ZNF568: variants seen among roughly 807,000 people sequenced by gnomAD.
ZNF568 encodes the protein p53 inhibitor of SCO2 activation.
Under a neutral mutation model 18.1 loss-of-function variants are expected in ZNF568, and 11 were observed. The observed-to-expected ratio is 0.61, with a 90% CI of 0.38 to 1.00. The LOEUF (loss-of-function observed/expected upper bound fraction) is 1.00, where lower values mean the gene tolerates loss of function less well. Among genes scored for constraint, ZNF568 ranks in the 50% least tolerant of loss-of-function variants. The pLI is 0.01. For missense variants in ZNF568, 639 were observed against 768.2 expected (o/e 0.83, Z 1.99); for synonymous variants, 213 against 246.6 (o/e 0.86, Z 1.28).
intron 6 of ZNF568, among the ~76,000 whole-genome samples, chr19:36,967,681 C>T (rs532243515): frequency 1.3e-5 from 2 of 152,300 alleles, no homozygotes; most frequent in Admixed American, 1.3e-4. Flanking sequence ...GCTTCTCATC[C>T]ATCCATTTCT....
intron 4 of ZNF568, among the ~76,000 whole-genome samples, chr19:36,994,396 A>G (rs1302698542): frequency 6.6e-6 from 1 of 152,202 alleles, no homozygotes; most frequent in Non-Finnish European, 1.5e-5. Context: ...GTTGAGTGGA[A>G]TGTTCTACAA....
intron 2 of ZNF568, 70 bp from the exon 3 acceptor site, chr19:36,922,516 T>C: frequency 2.8e-6 from 1 of 357,070 alleles, no homozygotes; most frequent in East Asian, 4.6e-5. Flanking sequence ...GGGGCCATCT[T>C]GGAAGCTGGT....
At chr19:36,970,875 A>T (rs1438334283) in intron 6 of ZNF568, among the ~76,000 whole-genome samples, 1 of 152,084 alleles carries the variant, frequency 6.6e-6, no homozygotes, top group Admixed American at 6.6e-5. Context: ...GAAATCAGTG[A>T]TTTAAATTTC....
chr19:36,991,309 T>C, intron 3 of ZNF568: 2 of 1,531,782 alleles, frequency 1.3e-6, no homozygotes, highest in Non-Finnish European at 1.7e-6. Flanking sequence ...GGTAACTTTA[T>C]CTGCCCCTCC....
exon 5 of ZNF568, chr19:36,996,755 C>G (rs1420347255): frequency 1.3e-6 from 2 of 1,543,038 alleles, no homozygotes; most frequent in Admixed American, 3.9e-5. Flanking sequence ...TCTGGAATTA[C>G]TCAACCTCAG....
At chr19:36,966,009 GA>G (rs2074191899) in intron 6 of ZNF568, among the ~76,000 whole-genome samples, 2 of 150,628 alleles carry the variant, frequency 1.3e-5, no homozygotes, top group African/African-American at 4.9e-5. Flanking sequence ...CTGATTACAG[GA>G]TATAAGGTTA....
downstream of ZNF568, among the ~76,000 whole-genome samples, chr19:36,956,262 A>G (rs1002060491): frequency 6.6e-6 from 1 of 152,144 alleles, no homozygotes. Flanking sequence ...TCACAGCTAA[A>G]TTCCTCTAAG....
In ZNF568 at chr19:36,950,046, G is replaced by T. The variant is rs2074031431; in HGVS notation, c.893G>T (p.Arg298Ile). The T allele has an allele frequency of 6.2e-7, 1 of 1,613,790 alleles. No homozygotes were observed. ...IQMSNLIRHHRIHTGEKPYAC... is the reference protein window; with the variant it reads ...IQMSNLIRHHIIHTGEKPYAC... Reference sequence around the variant, plus strand: ...ATGTCAAACCTTATTAGACACCACAGAATTCATACTGGGGAGAAACCTTAT... The same window carrying T: ...ATGTCAAACCTTATTAGACACCACATAATTCATACTGGGGAGAAACCTTAT... The change falls in exon 7 of 7, where the codon AGA becomes ATA. Residue 298 changes from arginine to isoleucine, a missense_variant. Transcript: ENST00000333987.
intron 2 of ZNF568, among the ~76,000 whole-genome samples, chr19:36,920,843 C>A (rs1167677838): frequency 6.6e-6 from 1 of 151,890 alleles, no homozygotes; most frequent in Non-Finnish European, 1.5e-5. Context: ...TGGTAAGTGC[C>A]CTTTACCAGT....
exon 4 of ZNF568, chr19:36,991,815 T>A: frequency 6.3e-7 from 1 of 1,579,610 alleles, no homozygotes; most frequent in East Asian, 2.2e-5. Flanking sequence ...CCTGGATGGT[T>A]AAGAGGAAGG....
In ZNF568 at chr19:36,950,801, A is replaced by C. The variant is rs1400090348; in HGVS notation, c.1648A>C (p.Lys550Gln). The change falls in exon 7 of 7, where the codon AAA (lysine) becomes CAA (glutamine). Residue 550 changes from lysine to glutamine, a missense_variant. Coordinates refer to ENST00000333987, the MANE Select transcript of ZNF568 (RefSeq NM_198539.4). ...GAGACAAAATCTTCTTGAGCATGAA[A>C]AAATTCATACTGGAGAGAAACCATT... ...SQRQNLLEHE[K>Q]IHTGEKPFKC... 6.2e-7 allele frequency: 1 copy of C among 1,613,764 alleles called. No individual in the cohort carries two copies. Among genetic ancestry groups the C allele is most frequent in the Non-Finnish European group, 8.5e-7 (1 of 1,179,992 alleles).
Position 36,951,955 on chromosome 19 carries a change from T to TC in ZNF568, c.*867_*868insC. The TC allele has an allele frequency of 1.0e-6, 1 of 984,076 alleles. No individual in the cohort carries two copies. 61.0% of individuals were successfully genotyped at this position (984,076 alleles called of 1,614,324 possible). A position where few individuals can be genotyped will look rare whatever the true frequency, so the allele number is the denominator to read the frequency against. The stretch of plus-strand genomic sequence containing the variant: ...CAAAAAATTAACATTCTAAAGGATT[T>TC]AAATACTGGAATTTGAAAAGCCAAA... On this transcript the variant is annotated 3_prime_UTR_variant, in exon 7 of 7. Coordinates refer to ENST00000333987, the MANE Select transcript of ZNF568 (RefSeq NM_198539.4).
chr19:36,958,591 CT>C (rs967409433), intron 6 of ZNF568, among the ~76,000 whole-genome samples: 1 of 121,694 alleles, frequency 8.2e-6, no homozygotes, highest in African/African-American at 3.1e-5. Flanking sequence ...AATATTCTTT[CT>C]TTTTTTCTTT....
chr19:36,959,509 A>G (rs1237065295), intron 6 of ZNF568, among the ~76,000 whole-genome samples: 2 of 151,724 alleles, frequency 1.3e-5, no homozygotes, highest in Non-Finnish European at 2.9e-5. Flanking sequence ...TGGTAATAGG[A>G]TGATCCTGGC....
chr19:36,925,404 A>G, intron 4 of ZNF568, 146 bp downstream of exon 4: 1 of 704,356 alleles, frequency 1.4e-6, no homozygotes, highest in South Asian at 1.9e-5. Flanking sequence ...AACCTGGGGA[A>G]ATTTGAGATA....
chr19:36,961,764 C>A (rs1304084182), intron 6 of ZNF568, among the ~76,000 whole-genome samples: 4 of 152,156 alleles, frequency 2.6e-5, no homozygotes, highest in Non-Finnish European at 2.9e-5. Flanking sequence ...CTCAGGTGAT[C>A]CTCCCACCTC....
intron 6 of ZNF568, among the ~76,000 whole-genome samples, chr19:36,941,857 T>A (rs890838013): frequency 3.3e-5 from 5 of 152,204 alleles, no homozygotes; most frequent in African/African-American, 9.6e-5. Flanking sequence ...AAATGTCAGA[T>A]TATAGCAGTG....
At chr19:36,989,577 A>G (rs1248729693) in intron 2 of ZNF568, among the ~76,000 whole-genome samples, 1 of 152,122 alleles carries the variant, frequency 6.6e-6, no homozygotes, top group Admixed American at 6.5e-5. Flanking sequence ...TCTTTGAGAC[A>G]ACATCTTGCT....
At chr19:36,970,208 C>A (rs1244570362) in intron 6 of ZNF568, among the ~76,000 whole-genome samples, 1 of 126,516 alleles carries the variant, frequency 7.9e-6, no homozygotes, top group Non-Finnish European at 1.7e-5. Flanking sequence ...TTATGAATTT[C>A]TTTTTTCCCA....
Sources: allele counts gnomAD v4.1 joint callset (sites outside exome capture counted in the v4.1 genomes callset), GRCh38; gene constraint gnomAD v4.1.1; transcripts MANE v1.5; gene names NCBI Gene and HGNC (gene_info 2026-07-23, HGNC 2026-07-21).